Variants in DMXL1 observed in about 807,000 individuals in gnomAD.
DMXL1 encodes the protein dmX-like protein 1.
Under a neutral mutation model 319.2 loss-of-function variants are expected in DMXL1, and 99 were observed. The ratio of observed to expected loss-of-function variants is 0.31; its 90% CI spans 0.26 to 0.37. DMXL1 has a LOEUF of 0.37. Ranked by LOEUF, DMXL1 falls within the 10% of genes least tolerant of loss-of-function variation. The pLI is 1.00. For missense variants in DMXL1, 3,745 were observed against 3,595.6 expected, an observed-to-expected ratio of 1.04 and a Z score of -1.06; for synonymous variants, 1,385 against 1,235.2, an observed-to-expected ratio of 1.12 and a Z score of -2.54.
chr5:119,071,546 C>A lies in DMXL1; in HGVS notation c.-24C>A. ...CCGTGGCATGAGCTGGATGCGGTGTCCGTTGCAGGACTAGGGCGCCGACAT... is the reference window on the plus strand; with the variant it reads ...CCGTGGCATGAGCTGGATGCGGTGTACGTTGCAGGACTAGGGCGCCGACAT... On this transcript the variant is annotated 5_prime_UTR_variant, in exon 1 of 44. Coordinates refer to ENST00000539542, the MANE Select transcript of DMXL1 (RefSeq NM_001290321.3). The A allele has an allele frequency of 6.3e-7, 1 of 1,590,200 alleles. No individual in the cohort carries two copies. Among genetic ancestry groups the A allele is most frequent in the Non-Finnish European group, 8.6e-7 (1 of 1,168,038 alleles).
At chr5:119,132,587 G>T in intron 10 of DMXL1, 1 of 276,750 alleles carries the variant, frequency 3.6e-6, no homozygotes, top group South Asian at 3.5e-5. Flanking sequence ...GGCTGAGGCG[G>T]AATTGCTTGG....
chr5:119,094,847 C>G (rs1018073209), intron 1 of DMXL1, among the ~76,000 whole-genome samples: 1 of 149,710 alleles, frequency 6.7e-6, no homozygotes, highest in African/African-American at 2.4e-5. Flanking sequence ...CAGACTTGCA[C>G]AATCTTTTTT....
chr5:119,204,735 C>G (rs973852335), intron 33 of DMXL1, among the ~76,000 whole-genome samples: 2 of 152,098 alleles, frequency 1.3e-5, no homozygotes, highest in Admixed American at 1.3e-4. Flanking sequence ...ACGAAGAGTT[C>G]AGAACTGACA....
chr5:119,242,429 G>A (rs1198366042), intron 42 of DMXL1, among the ~76,000 whole-genome samples: 1 of 152,224 alleles, frequency 6.6e-6, no homozygotes, highest in Non-Finnish European at 1.5e-5. Flanking sequence ...TGTACAGGGT[G>A]TGTATGCACA....
rs145184647 is a variant in DMXL1 at position 119,185,656 on chromosome 5, C to T, written c.7136-4052C>T. On this transcript the variant is annotated intron_variant, in intron 28 of 43. Coordinates refer to ENST00000539542, the MANE Select transcript of DMXL1 (RefSeq NM_001290321.3). Reference sequence around the variant, plus strand: ...CAGCTGGGACTACAGGTGCACACCACGACACTTGGCTAATTTTTGTATTTT... The same window carrying T: ...CAGCTGGGACTACAGGTGCACACCATGACACTTGGCTAATTTTTGTATTTT... Among the ~76,000 whole-genome samples, 28 of 152,120 alleles carry T rather than the reference C, an allele frequency of 1.8e-4. No homozygotes were observed. In the East Asian group the frequency reaches 4.8e-3, roughly 26 times the overall value.
rs181422379 is a variant in DMXL1 at position 119,219,576 on chromosome 5, T to A, written c.8014-896T>A. Among the ~76,000 whole-genome samples, 338 of 152,010 alleles carry A rather than the reference T, an allele frequency of 2.2e-3. 3 individuals carry two copies. The highest frequency in any genetic ancestry group is 0.01 in the Middle Eastern group (3 of 294). ...CATTTAATTAATTAATTAATTTATT[T>A]ATTTATTTATTTATTGAGACAGGGT... On this transcript the variant is annotated intron_variant, in intron 35 of 43. Transcript: ENST00000539542.
rs949618032 is a variant in DMXL1, at chr5:119,143,252, C to T, written c.2377-589C>T. Among the ~76,000 whole-genome samples the T allele has an allele frequency of 7.3e-5, 11 of 151,548 alleles. 1 individual carries two copies. Among genetic ancestry groups the T allele is most frequent in the Non-Finnish European group, 1.2e-4 (8 of 67,848 alleles). On this transcript the variant is annotated intron_variant, in intron 13 of 43. Coordinates refer to ENST00000539542, the MANE Select transcript of DMXL1 (RefSeq NM_001290321.3). ...ATTAAAGATTGAATGCTGGAATGCTCGGTTAAAAGTAGGGTGGAAATACAA... is the reference window on the plus strand; with the variant it reads ...ATTAAAGATTGAATGCTGGAATGCTTGGTTAAAAGTAGGGTGGAAATACAA...
intron 30 of DMXL1, among the ~76,000 whole-genome samples, chr5:119,195,742 T>A (rs1343378333): frequency 6.6e-6 from 1 of 152,208 alleles, no homozygotes; most frequent in Non-Finnish European, 1.5e-5. Context: ...TTTTGTATTT[T>A]ACCATTAAAA....
Position 119,203,434 on chromosome 5 carries a change from G to A in DMXL1, c.7861G>A (p.Glu2621Lys). Residue 2621 changes from glutamate (E) to lysine (K), a missense_variant and splice_region_variant, in exon 33 of 44, where the codon GAG (glutamate) becomes AAG (lysine). Glu to Lys is a moderately conservative substitution (Grantham distance 56). Coordinates refer to ENST00000539542, the MANE Select transcript of DMXL1 (RefSeq NM_001290321.3). ...ATTCACAAAGAAACGGTGTCTAAATGAGGTCTGTATAAGTTAAAACCTGTT... is the reference window on the plus strand; with the variant it reads ...ATTCACAAAGAAACGGTGTCTAAATAAGGTCTGTATAAGTTAAAACCTGTT... Reference protein sequence around the residue: ...NIFTKKRCLNESLEDNSETIK... With the variant: ...NIFTKKRCLNKSLEDNSETIK... 1 of 1,570,526 alleles carries A rather than the reference G, an allele frequency of 6.4e-7. No individual in the cohort carries two copies. The highest frequency in any genetic ancestry group is 8.7e-7 in the Non-Finnish European group (1 of 1,148,092).
chr5:119,116,373 G>C (rs1437962571), intron 7 of DMXL1, 37 bp downstream of exon 7: 1 of 1,580,980 alleles, frequency 6.3e-7, no homozygotes, highest in South Asian at 1.1e-5. Context: ...CATATTAAGG[G>C]AGCATCATCT....
chr5:119,128,224 G>A, intron 9 of DMXL1: 1 of 384,282 alleles, frequency 2.6e-6, no homozygotes, highest in South Asian at 2.3e-5. Flanking sequence ...ATACTCTGGA[G>A]AATACAGAGT....
chr5:119,084,723 G>T (rs750765205), intron 1 of DMXL1, among the ~76,000 whole-genome samples: 10 of 151,912 alleles, frequency 6.6e-5, no homozygotes, highest in African/African-American at 1.2e-4. Context: ...AAATTAGCCC[G>T]GCGTGGTGGC....
intron 32 of DMXL1, among the ~76,000 whole-genome samples, chr5:119,199,181 C>G (rs1410298644): frequency 1.3e-5 from 2 of 152,192 alleles, no homozygotes; most frequent in Non-Finnish European, 2.9e-5. Flanking sequence ...AGCCACCATG[C>G]CTGGCCCCCA....
At chr5:119,200,402 C>G (rs1033617110) in intron 32 of DMXL1, among the ~76,000 whole-genome samples, 1 of 152,156 alleles carries the variant, frequency 6.6e-6, no homozygotes, top group Admixed American at 6.5e-5. Flanking sequence ...CACCTTACTT[C>G]CCAGTTCTCT....
chr5:119,141,544 A>C (rs2150096758), intron 13 of DMXL1, among the ~76,000 whole-genome samples: 1 of 152,274 alleles, frequency 6.6e-6, no homozygotes, highest in East Asian at 1.9e-4. Context: ...ACAGCTATCC[A>C]GGGGGGTGGA....
At chr5:119,143,781 A>T in intron 13 of DMXL1, 60 bp from the exon 14 acceptor site, 2 of 1,144,400 alleles carry the variant, frequency 1.7e-6, no homozygotes, top group South Asian at 3.1e-5. Context: ...AAATTTTGTT[A>T]TTTACTCTTA....
intron 9 of DMXL1, among the ~76,000 whole-genome samples, chr5:119,123,429 A>G (rs1168167705): frequency 9.5e-5 from 10 of 104,964 alleles, no homozygotes; most frequent in East Asian, 3.2e-4. Flanking sequence ...GGAGAGGGAG[A>G]GGAGGGAGAG....
chr5:119,149,616 A>T lies in DMXL1; in HGVS notation c.3789A>T (p.Thr1263=), dbSNP rs1159844989. Residue 1263 remains threonine (T), a synonymous_variant, in exon 18 of 44, where the codon ACA becomes ACT. Coordinates refer to ENST00000539542, the MANE Select transcript of DMXL1 (RefSeq NM_001290321.3). The part of the protein sequence containing the change: ...DSYSGSTPSI[T]SLIKQSNSSS... ...ACAGTGGGAGCACTCCATCTATAAC[A>T]AGTTTAATAAAACAGAGTAACTCCA... 1.2e-6 allele frequency: 2 copies of T among 1,613,792 alleles called. No homozygotes were observed. The highest frequency in any genetic ancestry group is 1.7e-6 in the Non-Finnish European group (2 of 1,179,906).
intron 34 of DMXL1, among the ~76,000 whole-genome samples, chr5:119,209,803 C>G (rs1215010504): frequency 2.0e-5 from 3 of 152,092 alleles, no homozygotes; most frequent in Non-Finnish European, 4.4e-5. Context: ...GCATGAATTG[C>G]CTTCAAATCT....
Sources: gnomAD v4.1 joint callset for allele counts (sites outside exome capture counted in the v4.1 genomes callset) on GRCh38, gnomAD v4.1.1 for gene constraint, MANE v1.5 for transcripts, NCBI Gene and HGNC (gene_info 2026-07-23, HGNC 2026-07-21) for gene names.